The following SSU72 variants were observed in gnomAD, a reference collection of about 807,000 sequenced individuals.
SSU72 encodes the protein SSU72 homolog, RNA polymerase II CTD phosphatase.
Under a neutral mutation model 22.7 loss-of-function variants are expected in SSU72, and 12 were observed. The observed-to-expected ratio is 0.53, with a 90% confidence interval of 0.34 to 0.86. The LOEUF is 0.86. Ranked by LOEUF, SSU72 falls within the 40% of genes least tolerant of loss-of-function variation. The pLI is 0.02. For synonymous variants in SSU72, 116 were observed against 98.3 expected, an observed-to-expected ratio of 1.18 and a Z score of -1.06; for missense variants, 151 against 249.8, an observed-to-expected ratio of 0.60 and a Z score of 2.67.
intron 4 of SSU72, among the ~76,000 whole-genome samples, chr1:1,543,500 T>G (rs6665973): frequency 0.49 from 74,189 of 151,130 alleles, 22,782 homozygotes; most frequent in East Asian, 0.86. Context: ...GCCAAAGCTG[T>G]GGAGTGACTC....
At chr1:1,568,360 A>C (rs886725216) in intron 1 of SSU72, among the ~76,000 whole-genome samples, 4 of 152,184 alleles carry the variant, frequency 2.6e-5, no homozygotes, top group African/African-American at 9.6e-5. Context: ...TGGGAGACCA[A>C]GCAGGTGGAT....
rs986585540 is a variant in SSU72, at chr1:1,554,392, T to A, written c.225-9390A>T. On this transcript the variant is annotated intron_variant, in intron 2 of 4. Coordinates refer to ENST00000291386, the MANE Select transcript of SSU72 (RefSeq NM_014188.3). The surrounding 1 kb of genome is among the most constrained non-coding windows in gnomAD (Gnocchi z 4.1). Reference sequence around the variant, plus strand: ...TGAGCATGAGGCGGATCCGGCCCATTTGGGGGTCCCCACGAGCCCTCGCTG... The same window carrying A: ...TGAGCATGAGGCGGATCCGGCCCATATGGGGGTCCCCACGAGCCCTCGCTG... Among the ~76,000 whole-genome samples, 2 of 152,042 alleles carry A rather than the reference T, an allele frequency of 1.3e-5. No individual in the cohort carries two copies. Among genetic ancestry groups the A allele is most frequent in the African/African-American group, 4.8e-5 (2 of 41,358 alleles).
intron 2 of SSU72, chr1:1,564,486 C>T (rs894187635): frequency 2.0e-5 from 29 of 1,482,692 alleles, no homozygotes; most frequent in African/African-American, 7.0e-5. Flanking sequence ...CACCTCCTCA[C>T]CTAAGCATCC....
chr1:1,563,024 C>G (rs919677188), intron 2 of SSU72: 1 of 152,420 alleles, frequency 6.6e-6, no homozygotes, highest in African/African-American at 2.4e-5. Flanking sequence ...GCTCGGCAGG[C>G]AGGCCGGGCT....
intron 2 of SSU72, chr1:1,561,612 C>T (rs569822777): frequency 4.3e-4 from 66 of 152,452 alleles, no homozygotes; most frequent in Admixed American, 1.4e-3. Context: ...TCCCGACCTG[C>T]ACATCTCAAC....
intron 1 of SSU72, among the ~76,000 whole-genome samples, chr1:1,568,954 C>G (rs1642695630): frequency 6.6e-6 from 1 of 151,638 alleles, no homozygotes; most frequent in Admixed American, 6.6e-5. Flanking sequence ...GGCAGATCAC[C>G]TGAGGTCAGG....
intron 2 of SSU72, among the ~76,000 whole-genome samples, chr1:1,560,181 G>T (rs1346202864): frequency 6.6e-6 from 1 of 152,000 alleles, no homozygotes; most frequent in African/African-American, 2.4e-5. Flanking sequence ...ATTCCCAAAA[G>T]AAAATGTGGA....
intron 2 of SSU72, among the ~76,000 whole-genome samples, chr1:1,550,171 C>T (rs1642438818): frequency 7.8e-6 from 1 of 127,980 alleles, no homozygotes; most frequent in Admixed American, 8.8e-5. Context: ...GCGAGAGTGT[C>T]TCAAAAAAAA....
At chr1:1,550,044 G>C (rs895615850) in intron 2 of SSU72, among the ~76,000 whole-genome samples, 31 of 121,162 alleles carry the variant, frequency 2.6e-4, no homozygotes, top group African/African-American at 1.3e-3. Flanking sequence ...CAGGCATGGT[G>C]GTGCACACCT....
At chr1:1,550,280 G>A (rs1382392069) in intron 2 of SSU72, among the ~76,000 whole-genome samples, 2 of 151,792 alleles carry the variant, frequency 1.3e-5, no homozygotes, top group African/African-American at 4.8e-5. Flanking sequence ...CATCCTCCAC[G>A]CCAGCCCGGC....
intron 1 of SSU72, among the ~76,000 whole-genome samples, chr1:1,565,732 T>C (rs950577021): frequency 6.6e-6 from 1 of 152,274 alleles, no homozygotes; most frequent in Admixed American, 6.5e-5. Flanking sequence ...CGGTGCTTGT[T>C]CCTTGGACTT....
At chr1:1,552,946 A>G (rs543351053) in intron 2 of SSU72, among the ~76,000 whole-genome samples, 11 of 149,320 alleles carry the variant, frequency 7.4e-5, no homozygotes, top group Admixed American at 6.8e-4. Flanking sequence ...TATTGAACCC[A>G]CGAGGCGGAG....
chr1:1,542,157 G>A lies in SSU72; in HGVS notation c.494C>T (p.Thr165Met), dbSNP rs142001836. The change falls in exon 5 of 5, where the codon ACG becomes ATG. Residue 165 changes from threonine to methionine, a missense_variant. By Grantham distance (81) the Thr-to-Met change is moderately conservative. Transcript: ENST00000291386. The surrounding 1 kb of genome is among the most constrained non-coding windows in gnomAD (Gnocchi z 4.4). ...ICELCQCIQHTEDMENEIDEL... is the reference protein window; with the variant it reads ...ICELCQCIQHMEDMENEIDEL... ...GTCGATCTCGTTCTCCATGTCTTCC[G>A]TGTGCTGGATCTGCAAGGACAGGAC... is the stretch of plus-strand genomic sequence containing the variant. 25 of 1,585,872 alleles carry A rather than the reference G, an allele frequency of 1.6e-5. No individual in the cohort carries two copies. The highest frequency in any genetic ancestry group is 1.7e-5 in the Non-Finnish European group (20 of 1,166,174).
intron 2 of SSU72, chr1:1,561,534 CACTT>C (rs1008684733): frequency 6.6e-5 from 10 of 152,280 alleles, no homozygotes; most frequent in African/African-American, 2.4e-4. Flanking sequence ...TTCGGGCTCT[CACTT>C]GTAACAGTCA....
At chr1:1,571,397 C>T (rs530435962) in intron 1 of SSU72, among the ~76,000 whole-genome samples, 1 of 149,028 alleles carries the variant, frequency 6.7e-6, no homozygotes. Flanking sequence ...TGTCATTGCA[C>T]TCCAGCCTGG....
chr1:1,543,124 A>G (rs1309453089), intron 4 of SSU72, among the ~76,000 whole-genome samples: 1 of 152,250 alleles, frequency 6.6e-6, no homozygotes, highest in African/African-American at 2.4e-5. Flanking sequence ...GTCACAGCCC[A>G]GCACCTCCAC....
rs755099215 is a variant in SSU72 at position 1,572,659 on chromosome 1, G to C, written c.80+1819C>G. ...TTTTCAGTAGAGACGGGGTTTCATCGTGTTAGCCAGGATAGTCTCAATCTC... is the reference window on the plus strand; with the variant it reads ...TTTTCAGTAGAGACGGGGTTTCATCCTGTTAGCCAGGATAGTCTCAATCTC... On this transcript the variant is annotated intron_variant, in intron 1 of 4. Coordinates refer to ENST00000291386, the MANE Select transcript of SSU72 (RefSeq NM_014188.3). 4.6e-4 allele frequency among the ~76,000 whole-genome samples: 69 copies of C among 150,598 alleles called. 1 individual carries two copies. The highest frequency in any genetic ancestry group is 8.9e-4 in the Non-Finnish European group (60 of 67,768).
Position 1,554,158 on chromosome 1 carries a change from C to T in SSU72, c.225-9156G>A, listed in dbSNP as rs180728791. Among the ~76,000 whole-genome samples, 564 of 150,696 alleles carry T rather than the reference C, an allele frequency of 3.7e-3. 6 individuals are homozygous for T. The highest frequency in any genetic ancestry group is 0.013 in the African/African-American group (545 of 40,410). On this transcript the variant is annotated intron_variant, in intron 2 of 4. Coordinates refer to ENST00000291386, the MANE Select transcript of SSU72 (RefSeq NM_014188.3). The surrounding 1 kb of genome is among the most constrained non-coding windows in gnomAD (Gnocchi z 4.1). The stretch of plus-strand genomic sequence containing the variant: ...GCAAAAAGTGAAGCTGAGCACGAGG[C>T]GGATCCGGACCACTAAGGGGTCCCC...
intron 3 of SSU72, 164 bp downstream of exon 3, chr1:1,544,699 C>T (rs770048107): frequency 1.2e-5 from 11 of 892,506 alleles, no homozygotes; most frequent in Admixed American, 2.1e-5. Flanking sequence ...GGTGGTTCAG[C>T]GACCAGCGGC....
Sources: gnomAD v4.1 joint callset for allele counts (sites outside exome capture counted in the v4.1 genomes callset) on GRCh38, gnomAD v4.1.1 for gene constraint, Gnocchi (gnomAD v3.1) non-coding constraint, MANE v1.5 for transcripts, NCBI Gene and HGNC (gene_info 2026-07-23, HGNC 2026-07-21) for gene names.